Variants in FANCD2OS observed in about 807,000 individuals in gnomAD.
FANCD2OS encodes the protein FANCD2 opposite strand.
Under a neutral mutation model 13.2 loss-of-function variants are expected in FANCD2OS, and 11 were observed. The observed-to-expected ratio is 0.83, with a 90% CI of 0.52 to 1.38. The LOEUF (loss-of-function observed/expected upper bound fraction) is 1.38, where lower values mean the gene tolerates loss of function less well. Among genes scored for constraint, FANCD2OS ranks in the 40% most tolerant of loss-of-function variants. FANCD2OS has a pLI of 0.00. For missense variants in FANCD2OS, 217 were observed against 213.9 expected (o/e 1.01, Z -0.09); for synonymous variants, 69 against 84.5 (o/e 0.82, Z 1.01).
At chr3:10,082,682 C>T (rs1258718582) in intron 2 of FANCD2OS, among the ~76,000 whole-genome samples, 1 of 152,314 alleles carries the variant, frequency 6.6e-6, no homozygotes, top group Non-Finnish European at 1.5e-5. Context: ...TGACTCATCA[C>T]ATCTCTTGAG....
intron 2 of FANCD2OS, among the ~76,000 whole-genome samples, chr3:10,093,734 T>G (rs1488907965): frequency 6.6e-6 from 1 of 152,206 alleles, no homozygotes; most frequent in Admixed American, 6.5e-5. Context: ...ATAGCCTGTA[T>G]TAGCCCTAGA....
intron 1 of FANCD2OS, among the ~76,000 whole-genome samples, chr3:10,105,766 AAAAAATTATATATAT>A (rs1166267782): frequency 1.2e-4 from 7 of 58,720 alleles, no homozygotes; most frequent in African/African-American, 8.6e-4. Flanking sequence ...AAAAAAAAAA[AAAAAATTATATATAT>A]ATATATATAT....
At chr3:10,082,853 T>C (rs1693928933) in intron 2 of FANCD2OS, among the ~76,000 whole-genome samples, 1 of 152,212 alleles carries the variant, frequency 6.6e-6, no homozygotes, top group South Asian at 2.1e-4. Context: ...GTCTGTCATT[T>C]TTATATCCTC....
intron 2 of FANCD2OS, among the ~76,000 whole-genome samples, chr3:10,097,241 T>C (rs147752638): frequency 6.6e-6 from 1 of 152,334 alleles, no homozygotes; most frequent in East Asian, 1.9e-4. Context: ...ACCACTGTCA[T>C]TGATAACATC....
downstream of FANCD2OS, chr3:10,098,693 C>T (rs752284159): frequency 3.1e-6 from 5 of 1,613,336 alleles, no homozygotes; most frequent in African/African-American, 6.7e-5. Flanking sequence ...TTATAACCCA[C>T]CATTTTCTTG....
chr3:10,086,316 C>G (rs7432976), intron 2 of FANCD2OS, among the ~76,000 whole-genome samples: 11 of 152,102 alleles, frequency 7.2e-5, no homozygotes, highest in Non-Finnish European at 1.3e-4. Flanking sequence ...CCTTATGTGG[C>G]TGAGGGGTAG....
At position 10,104,031 on chromosome 3, in the gene FANCD2OS, T is replaced by A. The variant is rs1230014888; in HGVS notation, c.*210A>T. On this transcript the variant is annotated 3_prime_UTR_variant, in exon 2 of 2. Coordinates refer to ENST00000450660, the MANE Select transcript of FANCD2OS (RefSeq NM_001164839.2). ...TAGTTTGACTCTAAATGGTTCAACCTTACAATGGGAATGTTCTTCCTTGTT... is the reference window on the plus strand; with the variant it reads ...TAGTTTGACTCTAAATGGTTCAACCATACAATGGGAATGTTCTTCCTTGTT... The A allele has an allele frequency of 1.2e-5, 7 of 566,452 alleles. No individual in the cohort carries two copies. The highest frequency in any genetic ancestry group is 1.8e-5 in the Non-Finnish European group (6 of 324,710). 35.1% of individuals were successfully genotyped at this position (566,452 alleles called of 1,614,324 possible).
chr3:10,099,380 T>C (rs568811940), downstream of FANCD2OS: 1 of 1,128,230 alleles, frequency 8.9e-7, no homozygotes, highest in Non-Finnish European at 1.1e-6. Flanking sequence ...CCTAGCACTT[T>C]TTGAGGCCAA....
exon 3 of FANCD2OS, chr3:10,081,374 T>C (rs758000306): frequency 1.2e-6 from 2 of 1,614,114 alleles, no homozygotes; most frequent in Non-Finnish European, 1.7e-6. Context: ...CACGGTGTAG[T>C]TGATGGACCA....
At chr3:10,098,797 C>T (rs1695131715), downstream of FANCD2OS, 1 of 1,614,052 alleles carries the variant, frequency 6.2e-7, no homozygotes, top group Non-Finnish European at 8.5e-7. Context: ...CCCAGGCCTC[C>T]AAGAGCAAAG....
chr3:10,089,063 A>C, intron 2 of FANCD2OS: 1 of 1,208,810 alleles, frequency 8.3e-7, no homozygotes, highest in East Asian at 2.4e-5. Context: ...CAGGAGGATC[A>C]CCTTGAGGTC....
intron 1 of FANCD2OS, among the ~76,000 whole-genome samples, chr3:10,105,132 G>A (rs947208028): frequency 6.6e-6 from 1 of 152,082 alleles, no homozygotes; most frequent in Non-Finnish European, 1.5e-5. Context: ...GATTATAGGC[G>A]TGACCCACTT....
Position 10,082,514 on chromosome 3 carries a change from GTCT to G in FANCD2OS, c.*44-986_*44-984del, listed in dbSNP as rs546691739. Among the ~76,000 whole-genome samples, 70 of 152,192 alleles carry G rather than the reference GTCT, an allele frequency of 4.6e-4. 2 individuals carry two copies. The highest frequency in any genetic ancestry group is 1.7e-3 in the African/African-American group (69 of 41,532). ...TAAAACTCTCTTACCTAGCCTCTAG[GTCT>G]TCTTCTGACTCCTGCTATTCCACTT... On this transcript the variant is annotated intron_variant, in intron 2 of 2. Transcript: ENST00000524279.
chr3:10,101,621 G>T (rs1695306393), downstream of FANCD2OS: 3 of 329,118 alleles, frequency 9.1e-6, no homozygotes, highest in Admixed American at 4.6e-5. Context: ...CTGAACTCAT[G>T]ATCCACCTGC....
At chr3:10,097,273 A>T (rs1304783983) in intron 2 of FANCD2OS, among the ~76,000 whole-genome samples, 1 of 152,208 alleles carries the variant, frequency 6.6e-6, no homozygotes, top group Non-Finnish European at 1.5e-5. Context: ...CAGGGTTTTG[A>T]GATCAACAGG....
chr3:10,084,205 G>A (rs563384313), intron 2 of FANCD2OS, among the ~76,000 whole-genome samples: 162 of 150,642 alleles, frequency 1.1e-3, no homozygotes, highest in African/African-American at 3.9e-3. Flanking sequence ...TCTTGGCCAG[G>A]CTGGTCTTGA....
downstream of FANCD2OS, chr3:10,098,650 C>CA (rs1695121448): frequency 6.4e-7 from 1 of 1,574,256 alleles, no homozygotes; most frequent in East Asian, 2.3e-5. Context: ...CCTGTAAACT[C>CA]AACCTTCTCC....
chr3:10,094,311 C>G, intron 2 of FANCD2OS: 1 of 1,614,052 alleles, frequency 6.2e-7, no homozygotes, highest in African/African-American at 1.3e-5. Context: ...TTTGTGGAAG[C>G]ATTTCTGAAG....
intron 2 of FANCD2OS, among the ~76,000 whole-genome samples, chr3:10,086,424 TA>T (rs34016180): frequency 0.017 from 2,633 of 152,302 alleles, 36 homozygotes; most frequent in Middle Eastern, 0.034. Flanking sequence ...CTTCCCTTGG[TA>T]ACCTAGACCA....
Sources: gnomAD v4.1 joint callset for allele counts (sites outside exome capture counted in the v4.1 genomes callset) on GRCh38, gnomAD v4.1.1 for gene constraint, MANE v1.5 for transcripts, NCBI Gene and HGNC (gene_info 2026-07-23, HGNC 2026-07-21) for gene names.